Variants in CLVS1 observed in about 807,000 individuals in gnomAD.
CLVS1 encodes the protein clavesin 1.
In CLVS1, 10 loss-of-function variants were observed where a neutral mutation model predicts 33.1. The observed-to-expected ratio is 0.30, with a 90% CI of 0.19 to 0.51. CLVS1 has a LOEUF of 0.51. CLVS1 is among the 20% of genes least tolerant of loss of function. The pLI is 0.97. For synonymous variants in CLVS1, 163 were observed against 166.1 expected, an observed-to-expected ratio of 0.98 and a Z score of 0.14; for missense variants, 343 against 433.4, an observed-to-expected ratio of 0.79 and a Z score of 1.85.
At chr8:61,255,831 A>G (rs898716527) in intron 2 of CLVS1, among the ~76,000 whole-genome samples, 4 of 152,230 alleles carry the variant, frequency 2.6e-5, no homozygotes, top group Non-Finnish European at 4.4e-5. Flanking sequence ...GAAGATGTAT[A>G]CTTTTGAAAT....
chr8:61,294,097 C>A (rs1286389981), intron 1 of CLVS1, among the ~76,000 whole-genome samples: 1 of 152,022 alleles, frequency 6.6e-6, no homozygotes, highest in African/African-American at 2.4e-5. Flanking sequence ...TTTTACAACA[C>A]CCCTTAAATG....
At chr8:61,079,357 C>T (rs760403053) in intron 1 of CLVS1, among the ~76,000 whole-genome samples, 5 of 152,198 alleles carry the variant, frequency 3.3e-5, no homozygotes, top group Admixed American at 6.5e-5. Context: ...ATTCCCTGGC[C>T]ATTCAATTTA....
chr8:61,372,805 T>A (rs1813493276), intron 2 of CLVS1, among the ~76,000 whole-genome samples: 1 of 152,216 alleles, frequency 6.6e-6, no homozygotes, highest in Non-Finnish European at 1.5e-5. Flanking sequence ...TGTCTAATGT[T>A]TTTCTCATGA....
intron 5 of CLVS1, among the ~76,000 whole-genome samples, chr8:61,464,171 A>T (rs1817468866): frequency 6.6e-6 from 1 of 152,214 alleles, no homozygotes; most frequent in African/African-American, 2.4e-5. Context: ...TGCTGTTGGA[A>T]AAATGGTGCC....
upstream of CLVS1, among the ~76,000 whole-genome samples, chr8:61,285,179 C>A (rs531934279): frequency 6.6e-6 from 1 of 152,264 alleles, no homozygotes; most frequent in East Asian, 1.9e-4. Context: ...ACTAGCACAT[C>A]CCCCAGGAAT....
At chr8:61,426,119 G>A (rs1009153336) in intron 3 of CLVS1, among the ~76,000 whole-genome samples, 3 of 152,098 alleles carry the variant, frequency 2.0e-5, no homozygotes, top group Admixed American at 6.5e-5. Context: ...CTCACACTCC[G>A]CCCCTATTCT....
At chr8:61,269,888 G>T (rs1308796223) in intron 2 of CLVS1, among the ~76,000 whole-genome samples, 1 of 149,210 alleles carries the variant, frequency 6.7e-6, no homozygotes, top group Non-Finnish European at 1.5e-5. Context: ...TGCTGAAGTT[G>T]CTTATCAGCT....
chr8:61,457,701 C>A (rs114396445), intron 4 of CLVS1, among the ~76,000 whole-genome samples: 1,789 of 152,180 alleles, frequency 0.012, 29 homozygotes, highest in African/African-American at 0.041. Flanking sequence ...TAAGAAAACA[C>A]CAACTTTTTC....
intron 1 of CLVS1, among the ~76,000 whole-genome samples, chr8:61,118,037 C>T (rs1352327952): frequency 1.3e-5 from 2 of 152,142 alleles, no homozygotes; most frequent in Non-Finnish European, 1.5e-5. Flanking sequence ...TGGATTATTG[C>T]CACAATTTCA....
chr8:61,183,382 T>TCCTCTGAATTTTC (rs1439644159), intron 2 of CLVS1, among the ~76,000 whole-genome samples: 5 of 152,198 alleles, frequency 3.3e-5, no homozygotes, highest in African/African-American at 1.2e-4. Context: ...TGTAAGTATA[T>TCCTCTGAATTTTC]CCTCTGAATT....
At chr8:61,195,144 G>C (rs947578315) in intron 2 of CLVS1, among the ~76,000 whole-genome samples, 4 of 151,810 alleles carry the variant, frequency 2.6e-5, no homozygotes, top group Admixed American at 2.6e-4. Flanking sequence ...AGAAAAAGGA[G>C]AGAAAAATAT....
At chr8:61,029,740 C>T in the CLVS1 span, among the ~76,000 whole-genome samples, 5 of 152,016 alleles carry the variant, frequency 3.3e-5, no homozygotes, top group Admixed American at 6.6e-5. Flanking sequence ...TAATGCTATC[C>T]CTCCCCTAGG....
rs1323130939 is a variant in CLVS1 at position 61,500,121 on chromosome 8, C to T, written c.*579C>T. 1 of 152,628 alleles carries T rather than the reference C, an allele frequency of 6.6e-6. No homozygotes were observed. Among genetic ancestry groups the T allele is most frequent in the African/African-American group, 2.4e-5 (1 of 41,444 alleles). 9.5% of individuals were successfully genotyped at this position (152,628 alleles called of 1,614,324 possible). A position where few individuals can be genotyped will look rare whatever the true frequency, so the allele number is the denominator to read the frequency against. Reference sequence around the variant, plus strand: ...TAGGTCTGGGTATTTGCAAAGTTTGCTTATTTTGATGATATCCTGCAAAAA... The same window carrying T: ...TAGGTCTGGGTATTTGCAAAGTTTGTTTATTTTGATGATATCCTGCAAAAA... On this transcript the variant is annotated 3_prime_UTR_variant, in exon 6 of 6. Transcript: ENST00000325897.
At chr8:61,277,658 C>G (rs1403147593) in intron 2 of CLVS1, among the ~76,000 whole-genome samples, 1 of 152,048 alleles carries the variant, frequency 6.6e-6, no homozygotes, top group Non-Finnish European at 1.5e-5. Flanking sequence ...AAATAAAGTT[C>G]TTATGGGGAA....
chr8:61,167,941 G>T (rs1806913996), intron 2 of CLVS1, among the ~76,000 whole-genome samples: 1 of 152,184 alleles, frequency 6.6e-6, no homozygotes, highest in Non-Finnish European at 1.5e-5. Flanking sequence ...ATTTCATCAA[G>T]AAATATCCAT....
At chr8:61,444,349 C>T (rs1160725787) in intron 3 of CLVS1, among the ~76,000 whole-genome samples, 1 of 152,096 alleles carries the variant, frequency 6.6e-6, no homozygotes, top group Non-Finnish European at 1.5e-5. Flanking sequence ...TAAAGTATAA[C>T]ATTAGATACA....
At chr8:61,369,289 G>A (rs1251393328) in intron 2 of CLVS1, among the ~76,000 whole-genome samples, 4 of 152,142 alleles carry the variant, frequency 2.6e-5, no homozygotes, top group Admixed American at 1.3e-4. Flanking sequence ...CACACTTCTT[G>A]AATCTCATAT....
chr8:61,246,145 C>T (rs1425176169), intron 2 of CLVS1, among the ~76,000 whole-genome samples: 1 of 145,336 alleles, frequency 6.9e-6, no homozygotes, highest in South Asian at 2.2e-4. Flanking sequence ...CATCTTTAAA[C>T]CCTTTTTCTC....
At chr8:61,243,024 G>A (rs552427703) in intron 2 of CLVS1, among the ~76,000 whole-genome samples, 1 of 152,252 alleles carries the variant, frequency 6.6e-6, no homozygotes, top group African/African-American at 2.4e-5. Flanking sequence ...CTCATGTGGA[G>A]AAATTTTGAA....
Sources: allele counts gnomAD v4.1 joint callset (sites outside exome capture counted in the v4.1 genomes callset), GRCh38; gene constraint gnomAD v4.1.1; transcripts MANE v1.5; gene names NCBI Gene and HGNC (gene_info 2026-07-23, HGNC 2026-07-21).